The following PRKG1 variants were observed in gnomAD, a reference collection of about 807,000 sequenced individuals.
The protein encoded by PRKG1 is protein kinase cGMP-dependent 1, also known as cGMP-dependent protein kinase 1.
Under a neutral mutation model 88.1 loss-of-function variants are expected in PRKG1, and 35 were observed. The observed-to-expected ratio is 0.40, with a 90% confidence interval of 0.30 to 0.53. The LOEUF is 0.53. Ranked by LOEUF, PRKG1 falls within the 20% of genes least tolerant of loss-of-function variation. The pLI is 0.59. For synonymous variants in PRKG1, 303 were observed against 292.5 expected (o/e 1.04, Z -0.37); for missense variants, 540 against 839.8 (o/e 0.64, Z 4.41).
Position 51,032,586 on chromosome 10 carries a change from C to T in PRKG1, c.266+40942C>T, listed in dbSNP as rs555101840. Among the ~76,000 whole-genome samples the T allele has an allele frequency of 8.1e-4, 123 of 152,110 alleles. 1 individual carries two copies. The highest frequency in any genetic ancestry group is 2.9e-3 in the African/African-American group (120 of 41,506). On this transcript the variant is annotated intron_variant, in intron 1 of 17. Transcript: ENST00000401604. ...CCATCCTGGCCAACATGGCAAAACC[C>T]CGTCTCTACTAAAAATACAAAAATT...
intron 4 of PRKG1, among the ~76,000 whole-genome samples, chr10:51,816,536 CATGTGTGT>C (rs1839590350): frequency 2.0e-5 from 2 of 98,378 alleles, no homozygotes; most frequent in Admixed American, 1.3e-4. Flanking sequence ...ATAATTTTGG[CATGTGTGT>C]GTGTGTGTGT....
intron 5 of PRKG1, among the ~76,000 whole-genome samples, chr10:51,993,347 C>A (rs1366659253): frequency 3.9e-5 from 6 of 152,030 alleles, no homozygotes; most frequent in Admixed American, 3.9e-4. Context: ...AGTCTGCCTG[C>A]CTCTCTTCAC....
intron 1 of PRKG1, among the ~76,000 whole-genome samples, chr10:51,052,408 T>C (rs528193741): frequency 6.6e-6 from 1 of 152,356 alleles, no homozygotes; most frequent in Non-Finnish European, 1.5e-5. Flanking sequence ...CCAGTTTGAA[T>C]ATTCTTTTTT....
At chr10:51,011,084 C>T (rs1008915048) in intron 1 of PRKG1, among the ~76,000 whole-genome samples, 1 of 152,098 alleles carries the variant, frequency 6.6e-6, no homozygotes, top group Admixed American at 6.6e-5. Flanking sequence ...AATAAATTTC[C>T]TAAGTTACCA....
At chr10:51,889,804 G>A (rs1338583040) in intron 4 of PRKG1, among the ~76,000 whole-genome samples, 1 of 152,094 alleles carries the variant, frequency 6.6e-6, no homozygotes, top group African/African-American at 2.4e-5. Flanking sequence ...TTCTCTGATG[G>A]CCAATGATGA....
intron 9 of PRKG1, among the ~76,000 whole-genome samples, chr10:52,180,150 A>T (rs758371593): frequency 6.6e-6 from 1 of 152,192 alleles, no homozygotes; most frequent in Non-Finnish European, 1.5e-5. Flanking sequence ...GTTATTCAAA[A>T]GAGCTGTCTC....
chr10:51,586,328 A>G (rs61851462), intron 3 of PRKG1, among the ~76,000 whole-genome samples: 8,405 of 152,192 alleles, frequency 0.055, 353 homozygotes, highest in Middle Eastern at 0.088. Context: ...TATGGATTAG[A>G]ATTGGAAGGA....
rs189341962 is a variant in PRKG1 at position 51,115,287 on chromosome 10, C to T, written c.312-37877C>T. 5.7e-5 allele frequency among the ~76,000 whole-genome samples: 6 copies of T among 105,714 alleles called. No individual in the cohort carries two copies. In the East Asian group the frequency reaches 1.8e-3, roughly 32 times the overall value. The allele number at this position is 105,714 out of a possible 152,430, so 69.4% of individuals were successfully genotyped here. A position where few individuals can be genotyped will look rare whatever the true frequency, so the allele number is the denominator to read the frequency against. On this transcript the variant is annotated intron_variant, in intron 1 of 17. Coordinates refer to ENST00000373980, the MANE Select transcript of PRKG1 (RefSeq NM_006258.4). ...TGAGATCAGGCCATGGCACTCCAGC[C>T]TGGGAGATAGAGCGAGACTCCATCT...
chr10:51,217,545 GTTTAT>G (rs1043114965), intron 2 of PRKG1, among the ~76,000 whole-genome samples: 1 of 152,048 alleles, frequency 6.6e-6, no homozygotes, highest in Non-Finnish European at 1.5e-5. Flanking sequence ...AGAATTCAGT[GTTTAT>G]TTTGAGAATG....
intron 3 of PRKG1, among the ~76,000 whole-genome samples, chr10:51,774,982 T>G (rs1248050610): frequency 6.6e-6 from 1 of 152,170 alleles, no homozygotes; most frequent in Non-Finnish European, 1.5e-5. Context: ...TTATCAGTCT[T>G]AAAATACTCA....
intron 13 of PRKG1, among the ~76,000 whole-genome samples, chr10:52,281,476 T>G (rs1842001808): frequency 6.6e-6 from 1 of 152,140 alleles, no homozygotes; most frequent in Non-Finnish European, 1.5e-5. Flanking sequence ...ATTTTTAAAG[T>G]TTTCAGAATT....
At chr10:51,645,810 T>C (rs1309774809) in intron 3 of PRKG1, among the ~76,000 whole-genome samples, 3 of 152,184 alleles carry the variant, frequency 2.0e-5, no homozygotes, top group Admixed American at 6.5e-5. Flanking sequence ...TAGCTTTTTG[T>C]ACAATTAAAG....
chr10:51,818,081 G>A (rs916295412), intron 4 of PRKG1, among the ~76,000 whole-genome samples: 4 of 152,016 alleles, frequency 2.6e-5, no homozygotes, highest in African/African-American at 9.7e-5. Flanking sequence ...AGCAAGGATT[G>A]GGCCATCTGA....
chr10:51,285,482 G>A (rs867718249), intron 2 of PRKG1, among the ~76,000 whole-genome samples: 9 of 152,124 alleles, frequency 5.9e-5, no homozygotes, highest in African/African-American at 2.2e-4. Context: ...TTGCACAGGT[G>A]CTTTATCTCT....
At chr10:51,998,987 A>G (rs1231059321) in intron 5 of PRKG1, among the ~76,000 whole-genome samples, 6 of 151,934 alleles carry the variant, frequency 3.9e-5, no homozygotes, top group African/African-American at 1.4e-4. Context: ...TGACTATTAA[A>G]TGTTCACACT....
At chr10:51,277,793 A>C (rs1206391703) in intron 2 of PRKG1, among the ~76,000 whole-genome samples, 8 of 152,222 alleles carry the variant, frequency 5.3e-5, no homozygotes, top group Admixed American at 2.0e-4. Flanking sequence ...TGATTTTTGC[A>C]CATTGATTTT....
intron 1 of PRKG1, among the ~76,000 whole-genome samples, chr10:51,033,654 T>C (rs1843316150): frequency 6.6e-6 from 1 of 152,188 alleles, no homozygotes; most frequent in African/African-American, 2.4e-5. Context: ...TGAAGAGTTA[T>C]GTTTAAATCA....
chr10:51,986,975 T>C (rs957933843), intron 5 of PRKG1, among the ~76,000 whole-genome samples: 3 of 152,164 alleles, frequency 2.0e-5, no homozygotes, highest in African/African-American at 7.2e-5. Flanking sequence ...CTGATTACTA[T>C]AAATAAGAAA....
At chr10:51,788,749 C>T (rs1009639839) in intron 3 of PRKG1, among the ~76,000 whole-genome samples, 4 of 152,064 alleles carry the variant, frequency 2.6e-5, no homozygotes, top group Non-Finnish European at 5.9e-5. Flanking sequence ...AAGGTGGCAG[C>T]GAACTGAGGT....
Sources: allele counts gnomAD v4.1 joint callset (sites outside exome capture counted in the v4.1 genomes callset), GRCh38; gene constraint gnomAD v4.1.1; transcripts MANE v1.5; gene names NCBI Gene and HGNC (gene_info 2026-07-23, HGNC 2026-07-21).